AFG2A: variants seen among roughly 807,000 people sequenced by gnomAD.
The protein encoded by AFG2A is ATPase family gene 2 protein homolog A.
At chr4:122,972,428 T>C in the AFG2A span, among the ~76,000 whole-genome samples, 3 of 151,992 alleles carry the variant, frequency 2.0e-5, no homozygotes, top group African/African-American at 7.2e-5. Flanking sequence ...TACTGGTTAC[T>C]TTTTTTAATT....
chr4:123,313,033 A>G, the AFG2A span, among the ~76,000 whole-genome samples: 1 of 152,216 alleles, frequency 6.6e-6, no homozygotes. Context: ...CCTGAAAATC[A>G]CAATATCTCT....
chr4:123,199,460 A>G, the AFG2A span, among the ~76,000 whole-genome samples: 5 of 92,084 alleles, frequency 5.4e-5, no homozygotes, highest in Non-Finnish European at 6.7e-5. Context: ...ATATACTCAG[A>G]GGTTTTTTTT....
At chr4:123,251,049 T>C in the AFG2A span, among the ~76,000 whole-genome samples, 26 of 152,252 alleles carry the variant, frequency 1.7e-4, no homozygotes, top group East Asian at 7.7e-4. Context: ...ATAATAATCA[T>C]TGAAGTATAC....
the AFG2A span, among the ~76,000 whole-genome samples, chr4:122,978,076 G>C: frequency 2.6e-5 from 4 of 152,146 alleles, no homozygotes; most frequent in African/African-American, 7.2e-5. Context: ...TCAGTGGAGA[G>C]GAGACCAGAA....
At chr4:123,221,300 C>T in the AFG2A span, among the ~76,000 whole-genome samples, 1 of 152,152 alleles carries the variant, frequency 6.6e-6, no homozygotes, top group African/African-American at 2.4e-5. Context: ...GAACTACAGG[C>T]ATGCATCACC....
chr4:123,098,138 ACT>A, the AFG2A span, among the ~76,000 whole-genome samples: 4 of 151,672 alleles, frequency 2.6e-5, no homozygotes, highest in Non-Finnish European at 5.9e-5. Context: ...AAGTTTCCTG[ACT>A]CTTGATTTGT....
At chr4:123,312,248 G>T in the AFG2A span, among the ~76,000 whole-genome samples, 1 of 152,132 alleles carries the variant, frequency 6.6e-6, no homozygotes, top group East Asian at 1.9e-4. Flanking sequence ...TATGTGCCAG[G>T]CTCTCTATTC....
At chr4:123,092,878 A>C in the AFG2A span, among the ~76,000 whole-genome samples, 2 of 152,246 alleles carry the variant, frequency 1.3e-5, no homozygotes, top group East Asian at 3.9e-4. Context: ...CAGCAATGGA[A>C]AACTCCATTA....
the AFG2A span, among the ~76,000 whole-genome samples, chr4:123,096,494 C>T: frequency 2.0e-5 from 3 of 151,964 alleles, no homozygotes; most frequent in African/African-American, 7.2e-5. Context: ...ACATTTTATA[C>T]ATTTGTGTTG....
chr4:123,106,372 A>G, the AFG2A span, among the ~76,000 whole-genome samples: 67 of 152,154 alleles, frequency 4.4e-4, no homozygotes, highest in African/African-American at 1.4e-3. Context: ...GCTTTATTGC[A>G]ATATTAGCTT....
chr4:122,927,585 T>A, the AFG2A span: 1 of 1,563,608 alleles, frequency 6.4e-7, no homozygotes, highest in South Asian at 1.2e-5. Context: ...AAGCATGCCT[T>A]AACTTCTGTT....
At chr4:122,980,566 C>G in the AFG2A span, among the ~76,000 whole-genome samples, 1 of 152,258 alleles carries the variant, frequency 6.6e-6, no homozygotes, top group Admixed American at 6.5e-5. Flanking sequence ...TTTGAGGAAC[C>G]ACCATACCAT....
chr4:123,190,306 A>T, the AFG2A span, among the ~76,000 whole-genome samples: 250 of 152,316 alleles, frequency 1.6e-3, 1 homozygote, highest in Middle Eastern at 0.014. Flanking sequence ...TTTTGGCCTC[A>T]TACTAGCGTT....
chr4:123,226,682 G>T, the AFG2A span, among the ~76,000 whole-genome samples: 2 of 151,852 alleles, frequency 1.3e-5, no homozygotes, highest in Admixed American at 1.3e-4. Context: ...TTTTTTTGTT[G>T]TGTCTCTGCC....
chr4:123,304,182 T>C, the AFG2A span, among the ~76,000 whole-genome samples: 111,601 of 151,958 alleles, frequency 0.73, 41,942 homozygotes, highest in Non-Finnish European at 0.81. Flanking sequence ...GTGCCTGTGA[T>C]AGTCTGACTT....
the AFG2A span, among the ~76,000 whole-genome samples, chr4:122,979,930 A>G: frequency 2.6e-5 from 4 of 152,254 alleles, no homozygotes; most frequent in East Asian, 3.9e-4. Flanking sequence ...AAAAAACTAT[A>G]TTACAATACT....
the AFG2A span, among the ~76,000 whole-genome samples, chr4:123,195,412 C>T: frequency 0.53 from 79,913 of 151,726 alleles, 24,370 homozygotes; most frequent in Non-Finnish European, 0.67. Flanking sequence ...TTAAATTATT[C>T]AAAACTTTTA....
At chr4:122,923,366 T>C in the AFG2A span, 2 of 1,600,916 alleles carry the variant, frequency 1.2e-6, no homozygotes, top group Non-Finnish European at 1.7e-6. Context: ...GGCGGGAGAC[T>C]CAGTGATACT....
the AFG2A span, among the ~76,000 whole-genome samples, chr4:123,132,212 A>T: frequency 6.6e-6 from 1 of 152,154 alleles, no homozygotes; most frequent in Non-Finnish European, 1.5e-5. Flanking sequence ...TGTAGTCACC[A>T]CCATGCTCTA....
Sources: allele counts gnomAD v4.1 joint callset (sites outside exome capture counted in the v4.1 genomes callset), GRCh38; gene constraint gnomAD v4.1.1; transcripts MANE v1.5; gene names NCBI Gene and HGNC (gene_info 2026-07-23, HGNC 2026-07-21).